Variants in FRS2 observed in about 807,000 individuals in gnomAD.
The protein encoded by FRS2 is FGFR signalling adaptor.
In FRS2, 8 loss-of-function variants were observed where a neutral mutation model predicts 43.9. The ratio of observed to expected loss-of-function variants is 0.18; its 90% CI spans 0.11 to 0.33. The LOEUF (loss-of-function observed/expected upper bound fraction) is 0.33, where lower values mean the gene tolerates loss of function less well. Among genes scored for constraint, FRS2 ranks in the 10% least tolerant of loss-of-function variants. FRS2 has a pLI of 1.00. For missense variants in FRS2, 534 were observed against 627.6 expected (o/e 0.85, Z 1.59); for synonymous variants, 219 against 220.3 (o/e 0.99, Z 0.05).
intron 3 of FRS2, among the ~76,000 whole-genome samples, chr12:69,533,301 A>G (rs1337857861): frequency 6.6e-6 from 1 of 152,076 alleles, no homozygotes; most frequent in Non-Finnish European, 1.5e-5. Flanking sequence ...ATAGAAAAGT[A>G]TTTCAGAAGT....
chr12:69,474,943 AT>A (rs1870635720), intron 1 of FRS2, among the ~76,000 whole-genome samples: 1 of 152,188 alleles, frequency 6.6e-6, no homozygotes, highest in South Asian at 2.1e-4. Context: ...ACTCTATTTT[AT>A]AAGTTCTTTT....
intron 3 of FRS2, among the ~76,000 whole-genome samples, chr12:69,555,909 T>A (rs1305432793): frequency 1.3e-5 from 2 of 151,208 alleles, no homozygotes; most frequent in African/African-American, 4.8e-5. Context: ...TTGATTTAAA[T>A]GCAGAAACAT....
At chr12:69,479,520 C>T (rs1363086045) in intron 1 of FRS2, among the ~76,000 whole-genome samples, 2 of 151,664 alleles carry the variant, frequency 1.3e-5, no homozygotes, top group African/African-American at 4.8e-5. Flanking sequence ...GCCTCAGCCT[C>T]CTGAGTAGCT....
chr12:69,553,921 A>G (rs148162852), intron 3 of FRS2, among the ~76,000 whole-genome samples: 121 of 152,314 alleles, frequency 7.9e-4, no homozygotes, highest in African/African-American at 2.9e-3. Context: ...AATTCATAGT[A>G]TTGGGGGCTT....
At chr12:69,480,397 G>A (rs1871249798) in intron 1 of FRS2, 1 of 152,094 alleles carries the variant, frequency 6.6e-6, no homozygotes, top group Admixed American at 6.5e-5. Flanking sequence ...TTTTGTGTCT[G>A]GTTTATTTTA....
intron 8 of FRS2, among the ~76,000 whole-genome samples, chr12:69,573,596 A>G (rs1471984397): frequency 6.6e-6 from 1 of 152,006 alleles, no homozygotes; most frequent in East Asian, 1.9e-4. Flanking sequence ...CAGAGTAGCT[A>G]GGATTACAGG....
rs1359942903 is a variant in FRS2 at position 69,496,139 on chromosome 12, T to C, written c.-261+25609T>C. The stretch of plus-strand genomic sequence containing the variant: ...AAAACATATTGTCATGGATTTACAC[T>C]TAAAGCTTGTAGTCTGGCCAGGCGT... On this transcript the variant is annotated intron_variant, in intron 1 of 8. Coordinates refer to ENST00000549921, the MANE Select transcript of FRS2 (RefSeq NM_001278356.2). 7.9e-5 allele frequency among the ~76,000 whole-genome samples: 12 copies of C among 152,240 alleles called. No homozygotes were observed. The East Asian group carries it at 2.1e-3, about 27-fold the overall frequency.
chr12:69,475,587 CTT>C (rs1407317745), intron 1 of FRS2, among the ~76,000 whole-genome samples: 3 of 152,334 alleles, frequency 2.0e-5, no homozygotes, highest in Non-Finnish European at 4.4e-5. Context: ...TTAGAGGAAA[CTT>C]AGGATAATGG....
rs1476929983 is a variant in FRS2, at chr12:69,562,134, A to G, written c.-121-46A>G. 6.3e-5 allele frequency: 25 copies of G among 397,030 alleles called. 1 individual carries two copies. The East Asian group carries it at 8.6e-4, about 14-fold the overall frequency. 24.6% of individuals were successfully genotyped at this position (397,030 alleles called of 1,614,324 possible). ...TGCCAGAAAGCTCATAAGGAATATTATTCTTTAGAAATGAGAAATTCTCAA... is the reference window on the plus strand; with the variant it reads ...TGCCAGAAAGCTCATAAGGAATATTGTTCTTTAGAAATGAGAAATTCTCAA... On this transcript the variant is annotated intron_variant, in intron 3 of 8. Transcript: ENST00000549921.
At chr12:69,536,225 A>C (rs1877292294) in intron 3 of FRS2, among the ~76,000 whole-genome samples, 1 of 139,918 alleles carries the variant, frequency 7.1e-6, no homozygotes, top group Admixed American at 7.9e-5. Context: ...CCTGGGTTCA[A>C]GGAATTCTCG....
At chr12:69,526,364 A>G (rs931919755) in intron 1 of FRS2, among the ~76,000 whole-genome samples, 1 of 152,236 alleles carries the variant, frequency 6.6e-6, no homozygotes, top group Non-Finnish European at 1.5e-5. Context: ...TTTTCATTTG[A>G]AAATACAGTG....
Position 69,579,550 on chromosome 12 carries a change from T to C in FRS2, c.*4595T>C, listed in dbSNP as rs1047948857. On this transcript the variant is annotated 3_prime_UTR_variant, in exon 9 of 9. Transcript: ENST00000549921. ...ACAAATTATGTAAAATATGGTTTAA[T>C]ATTAGATGACTTTGGATTTTGCAAT... 2 of 152,600 alleles carry C rather than the reference T, an allele frequency of 1.3e-5. No homozygotes were observed. The highest frequency in any genetic ancestry group is 2.9e-5 in the Non-Finnish European group (2 of 68,040). The allele number at this position is 152,600 out of a possible 1,614,324, so 9.5% of individuals were successfully genotyped here.
chr12:69,542,663 C>G (rs1370507740), intron 3 of FRS2, among the ~76,000 whole-genome samples: 1 of 152,118 alleles, frequency 6.6e-6, no homozygotes, highest in Admixed American at 6.5e-5. Context: ...TTTCTATTTT[C>G]GCTGAAATAA....
chr12:69,538,197 T>TTCTATATATATATATATATATATATATA (rs869192774), intron 3 of FRS2, among the ~76,000 whole-genome samples: 1 of 81,638 alleles, frequency 1.2e-5, no homozygotes, highest in South Asian at 5.1e-4. Flanking sequence ...AAAACAAATT[T>TTCTATATATATATATATATATATATATA]TATATATATA....
intron 3 of FRS2, among the ~76,000 whole-genome samples, chr12:69,545,976 G>A (rs1037234499): frequency 6.6e-6 from 1 of 152,010 alleles, no homozygotes. Context: ...TGAATCAAAA[G>A]TATACAACTC....
chr12:69,564,156 T>TTG (rs1385699038), intron 4 of FRS2, among the ~76,000 whole-genome samples: 6 of 152,076 alleles, frequency 3.9e-5, no homozygotes, highest in Admixed American at 3.3e-4. Context: ...TATCTTCCAC[T>TTG]TGCTCATTGT....
At chr12:69,489,905 A>G (rs1016820752) in intron 1 of FRS2, among the ~76,000 whole-genome samples, 1 of 151,632 alleles carries the variant, frequency 6.6e-6, no homozygotes, top group Admixed American at 6.6e-5. Flanking sequence ...GCCAGCTAAC[A>G]TCTTTTGTTT....
chr12:69,504,558 T>C (rs1419280160), intron 1 of FRS2, among the ~76,000 whole-genome samples: 1 of 152,210 alleles, frequency 6.6e-6, no homozygotes, highest in Non-Finnish European at 1.5e-5. Flanking sequence ...AATATTTATA[T>C]ACATTATAGA....
rs190792633 is a variant in FRS2 at position 69,571,978 on chromosome 12, G to T, written c.413-140G>T. 1,263 of 574,046 alleles carry T rather than the reference G, an allele frequency of 2.2e-3. 5 individuals carry two copies. The highest frequency in any genetic ancestry group is 2.6e-3 in the Non-Finnish European group (847 of 324,868). 35.6% of individuals were successfully genotyped at this position (574,046 alleles called of 1,614,324 possible). ...CATATTAGGTAAAATATGGAGTTGG[G>T]GGTAATACTATTTGTGCTCTGATTT... is the stretch of plus-strand genomic sequence containing the variant. On this transcript the variant is annotated intron_variant, in intron 7 of 8. Coordinates refer to ENST00000549921, the MANE Select transcript of FRS2 (RefSeq NM_001278356.2).
Sources: gnomAD v4.1 joint callset for allele counts (sites outside exome capture counted in the v4.1 genomes callset) on GRCh38, gnomAD v4.1.1 for gene constraint, MANE v1.5 for transcripts, NCBI Gene and HGNC (gene_info 2026-07-23, HGNC 2026-07-21) for gene names.